The following ADAM17 variants were observed in gnomAD, a reference collection of about 807,000 sequenced individuals.
ADAM17 encodes the protein ADAM metallopeptidase domain 17.
ADAM17 carries 39 observed loss-of-function variants against 96.7 expected under a neutral mutation model. That is an observed-to-expected ratio of 0.40 (90% CI 0.31 to 0.53). ADAM17 has a LOEUF of 0.53. Among genes scored for constraint, ADAM17 ranks in the 20% least tolerant of loss-of-function variants. The pLI is 0.44. For missense variants in ADAM17, 777 were observed against 1,013.2 expected (o/e 0.77, Z 3.17); for synonymous variants, 344 against 359.2 (o/e 0.96, Z 0.48).
intron 13 of ADAM17, among the ~76,000 whole-genome samples, chr2:9,500,586 TCAAA>T (rs1054656998): frequency 1.3e-5 from 2 of 151,960 alleles, no homozygotes; most frequent in Non-Finnish European, 2.9e-5. Flanking sequence ...TATTACAAAA[TCAAA>T]CCAACCAACC....
intron 5 of ADAM17, 164 bp from the exon 6 acceptor site, chr2:9,526,408 A>G: frequency 1.3e-6 from 1 of 766,724 alleles, no homozygotes. Flanking sequence ...AAGACAGAAA[A>G]GTGAAAAGTA....
At chr2:9,491,206 T>C in intron 17 of ADAM17, 55 bp from the exon 18 acceptor site, 1 of 1,517,750 alleles carries the variant, frequency 6.6e-7, no homozygotes, top group South Asian at 1.1e-5. Context: ...AGTTAGTGAG[T>C]ACTATTTCAT....
chr2:9,496,758 T>C (rs954131465), intron 14 of ADAM17, among the ~76,000 whole-genome samples: 16 of 152,174 alleles, frequency 1.1e-4, no homozygotes, highest in African/African-American at 3.9e-4. Context: ...GTAATGTAGA[T>C]AGCTACTGCT....
intron 1 of ADAM17, among the ~76,000 whole-genome samples, chr2:9,550,051 G>A (rs1665534492): frequency 6.6e-6 from 1 of 152,096 alleles, no homozygotes; most frequent in South Asian, 2.1e-4. Context: ...TATTGTGTTT[G>A]TGCTGAAGAC....
intron 10 of ADAM17, among the ~76,000 whole-genome samples, chr2:9,514,545 ATATATATATATATATATATATAT>A (rs1663945055): frequency 6.4e-5 from 6 of 94,372 alleles, no homozygotes; most frequent in African/African-American, 9.9e-5. Context: ...ATATATATAT[ATATATATATATATATATATATAT>A]AAATAAAAAG....
chr2:9,503,229 C>T (rs1328731336), intron 12 of ADAM17, among the ~76,000 whole-genome samples: 4 of 151,638 alleles, frequency 2.6e-5, no homozygotes, highest in Non-Finnish European at 5.9e-5. Flanking sequence ...CAGAACTCTA[C>T]TCCCCATCAG....
At chr2:9,504,950 C>T (rs1406369671) in intron 12 of ADAM17, among the ~76,000 whole-genome samples, 1 of 152,056 alleles carries the variant, frequency 6.6e-6, no homozygotes, top group East Asian at 1.9e-4. Flanking sequence ...GCATTTCTCC[C>T]ACCTCAGCCT....
rs1664939081 is a variant in ADAM17, at chr2:9,535,838, A to G, written c.446T>C (p.Ile149Thr). ...AAAATTCACATATAAATTTACCTCT[A>G]TGTTATATTCGGCCCCATCTGTGTT... ...RINTDGAEYNIEPLWRFVNDT... is the reference protein window; with the variant it reads ...RINTDGAEYNTEPLWRFVNDT... Residue 149 changes from isoleucine (I) to threonine (T), a missense_variant, in exon 4 of 19, where the codon ATA becomes ACA. Ile to Thr is a moderately conservative substitution (Grantham distance 89). This residue lies in a region of ADAM17 where 446 missense variants were observed against 664.7 expected (regional missense o/e 0.67). Transcript: ENST00000310823. 2 of 1,590,092 alleles carry G rather than the reference A, an allele frequency of 1.3e-6. No homozygotes were observed. Among genetic ancestry groups the G allele is most frequent in the Non-Finnish European group, 1.7e-6 (2 of 1,165,896 alleles).
intron 10 of ADAM17, among the ~76,000 whole-genome samples, chr2:9,516,761 T>TA (rs1558511224): frequency 6.6e-6 from 1 of 151,538 alleles, no homozygotes; most frequent in Non-Finnish European, 1.5e-5. Context: ...TCAAAAAAAA[T>TA]AAAAATTAAA....
At chr2:9,537,021 T>C (rs1038772498) in intron 2 of ADAM17, among the ~76,000 whole-genome samples, 193 bp from the exon 3 acceptor site, 1 of 152,126 alleles carries the variant, frequency 6.6e-6, no homozygotes, top group Non-Finnish European at 1.5e-5. Flanking sequence ...TATTTAGCTA[T>C]AAAAACAGCA....
At chr2:9,506,597 C>T (rs550140273) in intron 11 of ADAM17, among the ~76,000 whole-genome samples, 30 of 152,108 alleles carry the variant, frequency 2.0e-4, no homozygotes, top group South Asian at 4.2e-4. Flanking sequence ...GATCTCTTGA[C>T]CTCATGATCT....
In ADAM17 at chr2:9,514,557, AT is replaced by A. The variant is rs1572921966; in HGVS notation, c.1191+3343del. Among the ~76,000 whole-genome samples, 5 of 112,924 alleles carry A rather than the reference AT, an allele frequency of 4.4e-5. No individual in the cohort carries two copies. In the East Asian group the frequency reaches 1.2e-3, roughly 26 times the overall value. 74.1% of individuals were successfully genotyped at this position (112,924 alleles called of 152,430 possible). A position where few individuals can be genotyped will look rare whatever the true frequency, so the allele number is the denominator to read the frequency against. ...TATATATATATATATATATATATAT[AT>A]ATATATATATAAATAAAAAGAGACA... On this transcript the variant is annotated intron_variant, in intron 10 of 18. Coordinates refer to ENST00000310823, the MANE Select transcript of ADAM17 (RefSeq NM_003183.6).
In ADAM17 at chr2:9,532,618, T is replaced by C. The variant is rs575204854; in HGVS notation, c.450+3216A>G. Reference sequence around the variant, plus strand: ...TTCTAAGTAGCTGAGACCACAGGCATGTGCCACCATGCCCAGCTAATTTTT... The same window carrying C: ...TTCTAAGTAGCTGAGACCACAGGCACGTGCCACCATGCCCAGCTAATTTTT... On this transcript the variant is annotated intron_variant, in intron 4 of 18. Coordinates refer to ENST00000310823, the MANE Select transcript of ADAM17 (RefSeq NM_003183.6). Among the ~76,000 whole-genome samples the C allele has an allele frequency of 9.2e-5, 14 of 151,374 alleles. No individual in the cohort carries two copies. The South Asian group carries it at 2.9e-3, about 32-fold the overall frequency.
intron 13 of ADAM17, among the ~76,000 whole-genome samples, chr2:9,498,648 T>G (rs1199892434): frequency 6.6e-6 from 1 of 152,198 alleles, no homozygotes; most frequent in Non-Finnish European, 1.5e-5. Context: ...ACCAGGCACT[T>G]TGCCTCTGGT....
intron 6 of ADAM17, among the ~76,000 whole-genome samples, chr2:9,524,855 A>G (rs1033333552): frequency 1.3e-5 from 2 of 152,216 alleles, no homozygotes; most frequent in Non-Finnish European, 2.9e-5. Context: ...AATGCTAATT[A>G]CCTATCTTTT....
Position 9,489,746 on chromosome 2 carries a change from A to T in ADAM17, c.*431T>A, listed in dbSNP as rs1056819058. 7.0e-6 allele frequency: 1 copy of T among 143,042 alleles called. No homozygotes were observed. The highest frequency in any genetic ancestry group is 1.5e-5 in the Non-Finnish European group (1 of 65,110). The allele number at this position is 143,042 out of a possible 1,614,324, so 8.9% of individuals were successfully genotyped here. A position where few individuals can be genotyped will look rare whatever the true frequency, so the allele number is the denominator to read the frequency against. On this transcript the variant is annotated 3_prime_UTR_variant, in exon 19 of 19. Transcript: ENST00000310823. ...AAGGCAAAAAAAAAAAAAAAAAAAA[A>T]AAACTATTCCAGTTGTCATCACAAA...
At chr2:9,499,903 G>C (rs1420243932) in intron 13 of ADAM17, among the ~76,000 whole-genome samples, 1 of 152,170 alleles carries the variant, frequency 6.6e-6, no homozygotes, top group Non-Finnish European at 1.5e-5. Context: ...CAATAAAAAA[G>C]ATAACAAGTG....
In ADAM17 at chr2:9,490,163, A is replaced by T; in HGVS notation, c.*14T>A. On this transcript the variant is annotated 3_prime_UTR_variant, in exon 19 of 19. Coordinates refer to ENST00000310823, the MANE Select transcript of ADAM17 (RefSeq NM_003183.6). ...ATATTTTGCACACTTAAGTCAGAAG[A>T]GCTGAGAACTAAATTAGCACTCTGT... 1 of 1,577,836 alleles carries T rather than the reference A, an allele frequency of 6.3e-7. No individual in the cohort carries two copies. Among genetic ancestry groups the T allele is most frequent in the South Asian group, 1.1e-5 (1 of 88,744 alleles).
rs150180716 is a variant in ADAM17, at chr2:9,511,450, TA to T, written c.1192-1320del. On this transcript the variant is annotated intron_variant, in intron 10 of 18. Coordinates refer to ENST00000310823, the MANE Select transcript of ADAM17 (RefSeq NM_003183.6). Reference sequence around the variant, plus strand: ...AGGCAACAAGAGTGAAACTCTATCTTAAAAAAAAAACAAAAACCACAACTGA... The same window carrying T: ...AGGCAACAAGAGTGAAACTCTATCTTAAAAAAAAACAAAAACCACAACTGA... 7.5e-5 allele frequency among the ~76,000 whole-genome samples: 11 copies of T among 145,896 alleles called. No homozygotes were observed. In the South Asian group the frequency reaches 1.1e-3, roughly 14 times the overall value.
Sources: gnomAD v4.1 joint callset for allele counts (sites outside exome capture counted in the v4.1 genomes callset) on GRCh38, gnomAD v4.1.1 for gene constraint, gnomAD v4.1.1 regional missense constraint, MANE v1.5 for transcripts, NCBI Gene and HGNC (gene_info 2026-07-23, HGNC 2026-07-21) for gene names.